Variants in SYNDIG1 observed in about 807,000 individuals in gnomAD.
SYNDIG1 encodes synapse differentiation inducing 1, also known as synapse differentiation-inducing gene protein 1.
SYNDIG1 carries 9 observed loss-of-function variants against 19.4 expected under a neutral mutation model. That is an observed-to-expected ratio of 0.46 (90% CI 0.28 to 0.81). The LOEUF (loss-of-function observed/expected upper bound fraction) is 0.81. Ranked by LOEUF, SYNDIG1 falls within the 30% of genes least tolerant of loss-of-function variation. SYNDIG1 has a pLI of 0.12. For synonymous variants in SYNDIG1, 141 were observed against 145.9 expected, an observed-to-expected ratio of 0.97 and a Z score of 0.24; for missense variants, 311 against 343.3, an observed-to-expected ratio of 0.91 and a Z score of 0.74.
chr20:24,593,505 G>T (rs574525446), intron 3 of SYNDIG1, among the ~76,000 whole-genome samples: 8 of 152,232 alleles, frequency 5.3e-5, no homozygotes, highest in Middle Eastern at 3.4e-3. Flanking sequence ...ACATATGCAC[G>T]CATATGTCTT....
chr20:24,549,378 G>A (rs1157328740), intron 2 of SYNDIG1, among the ~76,000 whole-genome samples: 2 of 152,066 alleles, frequency 1.3e-5, no homozygotes, highest in African/African-American at 4.8e-5. Context: ...CATATTTGCT[G>A]CAAATGACAT....
intron 2 of SYNDIG1, among the ~76,000 whole-genome samples, chr20:24,583,706 G>T (rs1205385238): frequency 1.3e-5 from 2 of 152,336 alleles, no homozygotes; most frequent in Non-Finnish European, 1.5e-5. Flanking sequence ...CCTTTGTGGG[G>T]AGGGTGGGGC....
intron 3 of SYNDIG1, among the ~76,000 whole-genome samples, chr20:24,657,240 C>T (rs997876765): frequency 6.6e-6 from 1 of 152,166 alleles, no homozygotes; most frequent in Non-Finnish European, 1.5e-5. Context: ...AGCAGCTGCC[C>T]GGTCCAGCAG....
At chr20:24,495,847 T>G (rs2056287969) in intron 1 of SYNDIG1, 1 of 152,160 alleles carries the variant, frequency 6.6e-6, no homozygotes, top group South Asian at 2.1e-4. Context: ...TTTATTTTAT[T>G]TATTTATTTA....
chr20:24,478,961 G>C (rs1045564091), intron 1 of SYNDIG1, among the ~76,000 whole-genome samples: 1 of 152,178 alleles, frequency 6.6e-6, no homozygotes, highest in Non-Finnish European at 1.5e-5. Flanking sequence ...TTCTTGTCTC[G>C]CTCTCAGCAT....
chr20:24,589,053 C>T (rs1175196598), intron 3 of SYNDIG1, among the ~76,000 whole-genome samples: 1 of 152,136 alleles, frequency 6.6e-6, no homozygotes, highest in Non-Finnish European at 1.5e-5. Context: ...TGCAAGCACG[C>T]TTTGTAAACC....
In SYNDIG1 at chr20:24,543,795, G is replaced by A. The variant is rs555109716; in HGVS notation, c.480+218G>A. Among the ~76,000 whole-genome samples, 11 of 152,288 alleles carry A rather than the reference G, an allele frequency of 7.2e-5. No homozygotes were observed. The East Asian group carries it at 9.7e-4, about 13-fold the overall frequency. ...AACAGAAACCCAGGGGCGCTTCACC[G>A]GTGATTCTGGTATGAGATGACCCCA... is the stretch of plus-strand genomic sequence containing the variant. On this transcript the variant is annotated intron_variant, in intron 2 of 3. Coordinates refer to ENST00000376862, the MANE Select transcript of SYNDIG1 (RefSeq NM_024893.3).
intron 3 of SYNDIG1, among the ~76,000 whole-genome samples, chr20:24,653,898 G>A (rs1380294875): frequency 1.3e-5 from 2 of 152,170 alleles, no homozygotes; most frequent in African/African-American, 2.4e-5. Context: ...CACCACTCAT[G>A]TCAGATTAGG....
chr20:24,628,849 G>T (rs2059198372), intron 3 of SYNDIG1, among the ~76,000 whole-genome samples: 1 of 152,180 alleles, frequency 6.6e-6, no homozygotes, highest in African/African-American at 2.4e-5. Flanking sequence ...GGAAGTGAAG[G>T]TCAGCCTTGC....
intron 3 of SYNDIG1, among the ~76,000 whole-genome samples, chr20:24,636,243 T>G (rs779756381): frequency 3.3e-5 from 5 of 152,220 alleles, no homozygotes; most frequent in Non-Finnish European, 5.9e-5. Flanking sequence ...CATCTATTAT[T>G]GAAGCTGCGT....
intron 1 of SYNDIG1, 107 bp from the exon 2 acceptor site, chr20:24,542,913 A>G (rs1296226394): frequency 2.5e-6 from 2 of 802,980 alleles, no homozygotes; most frequent in African/African-American, 1.7e-5. Flanking sequence ...CACAGTTACT[A>G]TGCGTTTATC....
chr20:24,659,891 A>T (rs1350336446), intron 3 of SYNDIG1, among the ~76,000 whole-genome samples: 1 of 152,196 alleles, frequency 6.6e-6, no homozygotes, highest in Non-Finnish European at 1.5e-5. Flanking sequence ...CTGTTCATTT[A>T]ATTATTGATA....
rs368628632 is a variant in SYNDIG1, at chr20:24,631,435, A to G, written c.619-33911A>G. 3.9e-5 allele frequency among the ~76,000 whole-genome samples: 6 copies of G among 152,314 alleles called. No homozygotes were observed. The South Asian group carries it at 1.0e-3, about 26-fold the overall frequency. On this transcript the variant is annotated intron_variant, in intron 3 of 3. Coordinates refer to ENST00000376862, the MANE Select transcript of SYNDIG1 (RefSeq NM_024893.3). The stretch of plus-strand genomic sequence containing the variant: ...CACCTGCGGGCGCGACGGCCTCATC[A>G]TCTCCTCCAGAAAGCAACACTGTCA...
intron 3 of SYNDIG1, among the ~76,000 whole-genome samples, chr20:24,661,962 C>T (rs368563901): frequency 6.6e-6 from 1 of 152,070 alleles, no homozygotes; most frequent in African/African-American, 2.4e-5. Flanking sequence ...CCATGGAATG[C>T]AAATTGACTT....
At chr20:24,604,236 AG>A (rs2058721410) in intron 3 of SYNDIG1, among the ~76,000 whole-genome samples, 1 of 152,112 alleles carries the variant, frequency 6.6e-6, no homozygotes, top group Non-Finnish European at 1.5e-5. Context: ...TGGGTGTCAG[AG>A]GCATTTGAAC....
chr20:24,510,609 TG>T (rs1198627749), intron 1 of SYNDIG1, among the ~76,000 whole-genome samples: 1 of 152,060 alleles, frequency 6.6e-6, no homozygotes, highest in African/African-American at 2.4e-5. Context: ...TTTCTCTGTT[TG>T]AGATCATATT....
intron 3 of SYNDIG1, among the ~76,000 whole-genome samples, chr20:24,633,398 C>T (rs949431926): frequency 3.9e-5 from 6 of 152,182 alleles, no homozygotes; most frequent in African/African-American, 1.4e-4. Flanking sequence ...CTGGTTTATC[C>T]GTGCCTGGCA....
chr20:24,470,814 A>G (rs2055414907), intron 1 of SYNDIG1, among the ~76,000 whole-genome samples: 1 of 151,992 alleles, frequency 6.6e-6, no homozygotes, highest in Admixed American at 6.5e-5. Context: ...GGCGCTTGGC[A>G]CCCAGACTTC....
intron 1 of SYNDIG1, among the ~76,000 whole-genome samples, chr20:24,471,119 G>C: frequency 6.6e-6 from 1 of 152,096 alleles, no homozygotes; most frequent in Non-Finnish European, 1.5e-5. Flanking sequence ...TGGTGTGTGT[G>C]CTGCGTAGAC....
Sources: gnomAD v4.1 joint callset for allele counts (sites outside exome capture counted in the v4.1 genomes callset) on GRCh38, gnomAD v4.1.1 for gene constraint, MANE v1.5 for transcripts, NCBI Gene and HGNC (gene_info 2026-07-23, HGNC 2026-07-21) for gene names.